The following NFIC variants were observed in gnomAD, a reference collection of about 807,000 sequenced individuals.
The protein encoded by NFIC is nuclear factor I C.
A neutral mutation model predicts 54.4 loss-of-function variants in NFIC; 12 were observed. The ratio of observed to expected loss-of-function variants is 0.22; its 90% CI spans 0.14 to 0.36. The LOEUF (loss-of-function observed/expected upper bound fraction) is 0.36. Ranked by LOEUF, NFIC falls within the 10% of genes least tolerant of loss-of-function variation. The pLI, the probability that NFIC is intolerant of heterozygous loss-of-function variation, is 1.00. For missense variants in NFIC, 575 were observed against 718.2 expected (o/e 0.80, Z 2.28); for synonymous variants, 322 against 319.2 (o/e 1.01, Z -0.09).
At chr19:3,368,961 G>T (rs1349187802) in intron 1 of NFIC, among the ~76,000 whole-genome samples, 1 of 146,582 alleles carries the variant, frequency 6.8e-6, no homozygotes, top group Non-Finnish European at 1.5e-5. Context: ...GTTTCTCCCT[G>T]TCTCTCCATC....
At chr19:3,440,871 G>A (rs115415594) in intron 6 of NFIC, among the ~76,000 whole-genome samples, 317 of 152,184 alleles carry the variant, frequency 2.1e-3, no homozygotes, top group Non-Finnish European at 3.8e-3. Context: ...TTGCTCTGTC[G>A]CCCAGGATGG....
chr19:3,444,323 C>T (rs2082338471), intron 6 of NFIC, among the ~76,000 whole-genome samples: 1 of 152,190 alleles, frequency 6.6e-6, no homozygotes, highest in South Asian at 2.1e-4. Context: ...CTCGGGCCTG[C>T]GTCCTCCTCA....
chr19:3,420,895 G>A (rs2145592908), intron 2 of NFIC, among the ~76,000 whole-genome samples: 1 of 152,224 alleles, frequency 6.6e-6, no homozygotes, highest in Non-Finnish European at 1.5e-5. Context: ...GCTAATTTTT[G>A]TATTTTTAGT....
At position 3,453,071 on chromosome 19, in the gene NFIC, C is replaced by CA. The variant is rs796137786; in HGVS notation, c.1269+413dup. Among the ~76,000 whole-genome samples the CA allele has an allele frequency of 1.1e-4, 17 of 151,802 alleles. No individual in the cohort carries two copies. The highest frequency in any genetic ancestry group is 5.8e-4 in the East Asian group (3 of 5,174). On this transcript the variant is annotated intron_variant, in intron 8 of 10. Transcript: ENST00000443272. The surrounding 1 kb of genome is among the most constrained non-coding windows in gnomAD (Gnocchi z 6.7). ...GCAGCATAGCGTGACCCAGTTTCTA[C>CA]AAAAAAAATACTTAAAAATGAGCCA...
rs2082736855 is a variant in NFIC at position 3,467,783 on chromosome 19, AT to A, written c.*5015del. On this transcript the variant is annotated 3_prime_UTR_variant, in exon 11 of 11. Transcript: ENST00000443272. ...CATATATATATATATATATATATAT[AT>A]ATATAATTTTGGAATTTGTTTCTCA... 1 of 138,038 alleles carries A rather than the reference AT, an allele frequency of 7.2e-6. No homozygotes were observed. The highest frequency in any genetic ancestry group is 2.3e-4 in the East Asian group (1 of 4,350). 8.6% of individuals were successfully genotyped at this position (138,038 alleles called of 1,614,324 possible). A position where few individuals can be genotyped will look rare whatever the true frequency, so the allele number is the denominator to read the frequency against.
chr19:3,412,992 A>G (rs1205493169), intron 2 of NFIC, among the ~76,000 whole-genome samples: 2 of 152,194 alleles, frequency 1.3e-5, no homozygotes, highest in Non-Finnish European at 2.9e-5. Flanking sequence ...GACAGTGGAC[A>G]CAGGGGCTGG....
At chr19:3,437,292 C>T (rs1385947991) in intron 6 of NFIC, among the ~76,000 whole-genome samples, 2 of 151,622 alleles carry the variant, frequency 1.3e-5, no homozygotes, top group Non-Finnish European at 1.5e-5. Context: ...GGCATGAACC[C>T]GGGAGGCGGA....
chr19:3,364,425 C>T (rs2080856304), upstream of NFIC, among the ~76,000 whole-genome samples: 1 of 152,098 alleles, frequency 6.6e-6, no homozygotes, highest in Non-Finnish European at 1.5e-5. Flanking sequence ...AGACATAGAC[C>T]CAAGCAGCGA....
chr19:3,385,573 G>GTTT (rs569020735), intron 2 of NFIC, among the ~76,000 whole-genome samples: 8,550 of 109,016 alleles, frequency 0.078, 718 homozygotes, highest in East Asian at 0.19. Context: ...GGTTGTTGTT[G>GTTT]TTTTTTTTTT....
chr19:3,456,658 G>A (rs76909566), intron 10 of NFIC, 23 bp downstream of exon 10: 155,304 of 1,524,356 alleles, frequency 0.1, 10,446 homozygotes, highest in South Asian at 0.3. Context: ...AGGCCGGCTG[G>A]TGGGGTGGGA....
intron 2 of NFIC, among the ~76,000 whole-genome samples, chr19:3,397,354 C>T (rs2081481046): frequency 6.6e-6 from 1 of 152,232 alleles, no homozygotes; most frequent in African/African-American, 2.4e-5. Flanking sequence ...CTGGAACGTT[C>T]CGGATCCTGC....
chr19:3,403,208 G>A (rs2081584615), intron 2 of NFIC, among the ~76,000 whole-genome samples: 2 of 152,172 alleles, frequency 1.3e-5, no homozygotes. Context: ...GGGGAGAGAG[G>A]CCACATGAAA....
intron 2 of NFIC, among the ~76,000 whole-genome samples, chr19:3,418,145 C>G (rs919455781): frequency 2.4e-4 from 35 of 148,846 alleles, no homozygotes; most frequent in Non-Finnish European, 4.9e-4. Flanking sequence ...GTCACCCAAG[C>G]TGGAGTGCGG....
chr19:3,441,912 G>C (rs2082299912), intron 6 of NFIC, among the ~76,000 whole-genome samples: 1 of 152,050 alleles, frequency 6.6e-6, no homozygotes, highest in African/African-American at 2.4e-5. Context: ...GCCCTTTCCA[G>C]CTTCCTGTCT....
At chr19:3,427,151 C>T (rs912547608) in intron 3 of NFIC, among the ~76,000 whole-genome samples, 5 of 152,072 alleles carry the variant, frequency 3.3e-5, no homozygotes, top group African/African-American at 1.2e-4. Flanking sequence ...TGGTCTCGAT[C>T]TCCTGACCCT....
Position 3,434,411 on chromosome 19 carries a change from A to G in NFIC, c.833+11A>G. On this transcript the variant is annotated intron_variant, in intron 5 of 10. Coordinates refer to ENST00000443272, the MANE Select transcript of NFIC (RefSeq NM_001245002.2). The stretch of plus-strand genomic sequence containing the variant: ...CACCTCCTCCAGTGGGTAAGTACCC[A>G]GGTCCCCACCTCTGGGCATTTCATG... 1 of 1,595,692 alleles carries G rather than the reference A, an allele frequency of 6.3e-7. No homozygotes were observed. The highest frequency in any genetic ancestry group is 8.5e-7 in the Non-Finnish European group (1 of 1,170,614).
chr19:3,441,979 C>A (rs1183648575), intron 6 of NFIC, among the ~76,000 whole-genome samples: 1 of 152,232 alleles, frequency 6.6e-6, no homozygotes, highest in Non-Finnish European at 1.5e-5. Context: ...AGCAGCTCTC[C>A]CTTCCTCTGG....
At chr19:3,361,404 T>C (rs1193331859) in intron 1 of NFIC, among the ~76,000 whole-genome samples, 2 of 152,020 alleles carry the variant, frequency 1.3e-5, no homozygotes, top group Non-Finnish European at 2.9e-5. Flanking sequence ...GGTCCCGCAG[T>C]CCCGCCTCCA....
intron 6 of NFIC, among the ~76,000 whole-genome samples, chr19:3,443,468 C>G (rs1568188241): frequency 6.6e-6 from 1 of 151,860 alleles, no homozygotes; most frequent in African/African-American, 2.4e-5. Context: ...CTGCTCACAA[C>G]GGAATAAACT....
Sources: allele counts gnomAD v4.1 joint callset (sites outside exome capture counted in the v4.1 genomes callset), GRCh38; gene constraint gnomAD v4.1.1; non-coding constraint Gnocchi (gnomAD v3.1); transcripts MANE v1.5; gene names NCBI Gene and HGNC (gene_info 2026-07-23, HGNC 2026-07-21).